Variants in NIT2 observed in about 807,000 individuals in gnomAD.
The protein encoded by NIT2 is nitrilase family member 2, also known as omega-amidase NIT2.
A neutral mutation model predicts 42.7 loss-of-function variants in NIT2; 46 were observed. The observed-to-expected ratio is 1.08, with a 90% confidence interval of 0.85 to 1.38. The LOEUF is 1.38. Ranked by LOEUF, NIT2 falls within the 40% of genes most tolerant of loss-of-function variation. NIT2 has a pLI of 0.00. For synonymous variants in NIT2, 123 were observed against 121.9 expected, an observed-to-expected ratio of 1.01 and a Z score of -0.06; for missense variants, 309 against 342.5, an observed-to-expected ratio of 0.90 and a Z score of 0.77.
At chr3:100,346,385 C>T (rs1706217555) in intron 6 of NIT2, 130 bp downstream of exon 6, 2 of 747,604 alleles carry the variant, frequency 2.7e-6, no homozygotes, top group Admixed American at 2.5e-5. Flanking sequence ...CCCTTTCACC[C>T]CCATGAGGCT....
chr3:100,347,010 CA>C (rs1326212145), intron 6 of NIT2, among the ~76,000 whole-genome samples: 1 of 152,154 alleles, frequency 6.6e-6, no homozygotes, highest in Non-Finnish European at 1.5e-5. Flanking sequence ...CCCCTAATTT[CA>C]GTTGAAAAGA....
intron 4 of NIT2, among the ~76,000 whole-genome samples, chr3:100,341,575 A>G (rs1706154319): frequency 6.6e-6 from 1 of 151,674 alleles, no homozygotes; most frequent in Non-Finnish European, 1.5e-5. Context: ...TCACCGTGTT[A>G]GCCAGGATGG....
intron 4 of NIT2, among the ~76,000 whole-genome samples, chr3:100,342,250 A>G (rs1028753666): frequency 6.6e-6 from 1 of 151,900 alleles, no homozygotes; most frequent in African/African-American, 2.4e-5. Context: ...CTCAAGCTAT[A>G]TGTGTTTTTA....
rs930835993 is a variant in NIT2 at position 100,357,201 on chromosome 3, G to A, written c.*1933G>A. 4 of 152,132 alleles carry A rather than the reference G, an allele frequency of 2.6e-5. No homozygotes were observed. The highest frequency in any genetic ancestry group is 7.2e-5 in the African/African-American group (3 of 41,418). 9.4% of individuals were successfully genotyped at this position (152,132 alleles called of 1,614,324 possible). On this transcript the variant is annotated 3_prime_UTR_variant, in exon 10 of 10. Coordinates refer to ENST00000394140, the MANE Select transcript of NIT2 (RefSeq NM_020202.5). ...TCACAGATCCTTTTAAAGGATGTCA[G>A]GTGCTTTCAGGTAACCCTAGACTAT...
intron 1 of NIT2, among the ~76,000 whole-genome samples, chr3:100,338,633 T>C (rs909206641): frequency 6.6e-6 from 1 of 152,184 alleles, no homozygotes; most frequent in Non-Finnish European, 1.5e-5. Flanking sequence ...AGTATATGGA[T>C]TGGAGGTAGA....
intron 7 of NIT2, 112 bp from the exon 8 acceptor site, chr3:100,352,292 C>T (rs1706282557): frequency 1.4e-6 from 1 of 734,010 alleles, no homozygotes; most frequent in South Asian, 1.8e-5. Flanking sequence ...CCTTCTACAT[C>T]TGAGTTAGCC....
intron 1 of NIT2, among the ~76,000 whole-genome samples, chr3:100,336,911 T>G (rs1294658456): frequency 6.6e-6 from 1 of 152,224 alleles, no homozygotes; most frequent in Admixed American, 6.5e-5. Flanking sequence ...GGTCTTTCCC[T>G]TCCCACGAGG....
rs375801206 is a variant in NIT2, at chr3:100,345,606, G to A, written c.358G>A (p.Val120Ile). ...YRKIHLFDID[V>I]PGKITFQESK... is the part of the protein sequence containing the mutation. ...GCAGATCCATCTGTTTGACATTGATGTTCCTGGAAAAATTACATTTCAAGA... is the reference window on the plus strand; with the variant it reads ...GCAGATCCATCTGTTTGACATTGATATTCCTGGAAAAATTACATTTCAAGA... Residue 120 changes from valine to isoleucine, a missense_variant, in exon 5 of 10, where the codon GTT becomes ATT. Coordinates refer to ENST00000394140, the MANE Select transcript of NIT2 (RefSeq NM_020202.5). The A allele has an allele frequency of 1.5e-4, 249 of 1,612,154 alleles. No individual in the cohort carries two copies. Among genetic ancestry groups the A allele is most frequent in the Non-Finnish European group, 2.0e-4 (238 of 1,178,636 alleles).
At chr3:100,352,345 T>A in intron 7 of NIT2, 59 bp from the exon 8 acceptor site, 1 of 1,337,970 alleles carries the variant, frequency 7.5e-7, no homozygotes, top group South Asian at 1.2e-5. Context: ...TCTACTTGGG[T>A]TAGAAAAATG....
intron 4 of NIT2, among the ~76,000 whole-genome samples, chr3:100,344,235 A>G (rs1319269014): frequency 8.5e-5 from 13 of 152,218 alleles, no homozygotes; most frequent in Admixed American, 8.5e-4. Flanking sequence ...TCAGGGTAGC[A>G]GCTGTAAATA....
Position 100,352,481 on chromosome 3 carries a change from A to C in NIT2, c.662A>C (p.His221Pro). ...AAAGCCTCCTATGTTGCCTGGGGAC[A>C]CAGCACCGTGGTGAACCCTTGGTGA... ...DDKASYVAWG[H>P]STVVNPWGEV... The change falls in exon 8 of 10, where the codon CAC (histidine) becomes CCC (proline). Residue 221 changes from histidine to proline, a missense_variant. Transcript: ENST00000394140. The C allele has an allele frequency of 1.9e-6, 3 of 1,613,302 alleles. No homozygotes were observed. Among genetic ancestry groups the C allele is most frequent in the Non-Finnish European group, 2.5e-6 (3 of 1,179,408 alleles).
chr3:100,343,410 C>G (rs2148882130), intron 4 of NIT2, among the ~76,000 whole-genome samples: 1 of 152,106 alleles, frequency 6.6e-6, no homozygotes, highest in East Asian at 1.9e-4. Flanking sequence ...TTTTCCTTCT[C>G]TTCTACAGAT....
rs571486989 is a variant in NIT2, at chr3:100,356,665, C to G, written c.*1397C>G. On this transcript the variant is annotated 3_prime_UTR_variant, in exon 10 of 10. Coordinates refer to ENST00000394140, the MANE Select transcript of NIT2 (RefSeq NM_020202.5). ...AATTTACAATTGATGCATAATTTTA[C>G]TTTAAAAAAATAAGTGTGCAATTTG... 21 of 152,242 alleles carry G rather than the reference C, an allele frequency of 1.4e-4. No homozygotes were observed. The East Asian group carries it at 3.1e-3, about 22-fold the overall frequency. 9.4% of individuals were successfully genotyped at this position (152,242 alleles called of 1,614,324 possible).
chr3:100,356,360 G>A lies in NIT2; in HGVS notation c.*1092G>A, dbSNP rs1706325325. ...GCATGACACCTCTAAACACAGAGTT[G>A]GGAATAGATGTGCACAATCAGCTCT... On this transcript the variant is annotated 3_prime_UTR_variant, in exon 10 of 10. Coordinates refer to ENST00000394140, the MANE Select transcript of NIT2 (RefSeq NM_020202.5). 6.6e-6 allele frequency: 1 copy of A among 152,190 alleles called. No homozygotes were observed. The allele number at this position is 152,190 out of a possible 1,614,324, so 9.4% of individuals were successfully genotyped here.
At chr3:100,336,770 C>G (rs190082532) in intron 1 of NIT2, among the ~76,000 whole-genome samples, 2 of 152,316 alleles carry the variant, frequency 1.3e-5, no homozygotes, top group South Asian at 2.1e-4. Context: ...CGAGACATTC[C>G]GTTGCCCAGG....
chr3:100,335,046 G>T (rs1168882332), intron 1 of NIT2: 4 of 514,336 alleles, frequency 7.8e-6, no homozygotes, highest in South Asian at 6.4e-5. Context: ...GGCCGCGCCG[G>T]CACCCGCCGC....
chr3:100,336,379 G>A (rs532148722), intron 1 of NIT2, among the ~76,000 whole-genome samples: 58 of 152,302 alleles, frequency 3.8e-4, no homozygotes, highest in African/African-American at 1.2e-3. Flanking sequence ...TAGGTGGAAC[G>A]AGAGACTTGG....
At chr3:100,347,101 G>A (rs1157096184) in intron 6 of NIT2, among the ~76,000 whole-genome samples, 2 of 151,942 alleles carry the variant, frequency 1.3e-5, no homozygotes, top group African/African-American at 4.8e-5. Context: ...TTGTTTGTTT[G>A]TTTGTTTTTT....
intron 1 of NIT2, 122 bp downstream of exon 1, chr3:100,334,920 T>A: frequency 9.9e-7 from 1 of 1,014,790 alleles, no homozygotes; most frequent in East Asian, 3.9e-5. Flanking sequence ...TGCGCGGCCT[T>A]CCCTGAGGCG....
Sources: allele counts gnomAD v4.1 joint callset (sites outside exome capture counted in the v4.1 genomes callset), GRCh38; gene constraint gnomAD v4.1.1; transcripts MANE v1.5; gene names NCBI Gene and HGNC (gene_info 2026-07-23, HGNC 2026-07-21).